FBXO47: variants seen among roughly 807,000 people sequenced by gnomAD.
FBXO47 encodes the protein F-box only protein 47.
In FBXO47, 34 loss-of-function variants were observed where a neutral mutation model predicts 53.9. That is an observed-to-expected ratio of 0.63 (90% CI 0.48 to 0.84). FBXO47 has a LOEUF of 0.84. Ranked by LOEUF, FBXO47 falls within the 40% of genes least tolerant of loss-of-function variation. The probability of loss-of-function intolerance (pLI) is 0.00; values close to 1 mark genes in which losing one functional copy is unlikely to be tolerated. For synonymous variants in FBXO47, 165 were observed against 181.6 expected, an observed-to-expected ratio of 0.91 and a Z score of 0.73; for missense variants, 485 against 541.3, an observed-to-expected ratio of 0.90 and a Z score of 1.03.
intron 3 of FBXO47, among the ~76,000 whole-genome samples, chr17:38,961,532 T>G (rs1905813088): frequency 6.6e-6 from 1 of 152,188 alleles, no homozygotes; most frequent in Admixed American, 6.5e-5. Flanking sequence ...AGATTATGGT[T>G]GAAAGGGAAA....
chr17:38,963,111 A>AT (rs367800614), intron 1 of FBXO47, 60 bp from the exon 2 acceptor site: 11,897 of 948,020 alleles, frequency 0.013, 84 homozygotes, highest in East Asian at 0.097. Context: ...CAAGAAAGAG[A>AT]TTTTTTTTTT....
At chr17:38,963,983 G>C (rs1905963391) in intron 1 of FBXO47, among the ~76,000 whole-genome samples, 1 of 151,338 alleles carries the variant, frequency 6.6e-6, no homozygotes. Flanking sequence ...AAAAAAAATT[G>C]TTTTTGTGGA....
At chr17:38,962,237 G>A (rs1905848943) in intron 2 of FBXO47, among the ~76,000 whole-genome samples, 190 bp from the exon 3 acceptor site, 1 of 152,280 alleles carries the variant, frequency 6.6e-6, no homozygotes, top group African/African-American at 2.4e-5. Flanking sequence ...GACATGTTTG[G>A]ATTTACCAAT....
chr17:38,960,324 T>C (rs975481616), intron 3 of FBXO47, among the ~76,000 whole-genome samples: 1 of 151,318 alleles, frequency 6.6e-6, no homozygotes, highest in Admixed American at 6.6e-5. Flanking sequence ...TATGAGAAAA[T>C]GGTAAGTATA....
At chr17:38,947,039 TAA>T (rs1421019785) in intron 6 of FBXO47, among the ~76,000 whole-genome samples, 44 of 130,744 alleles carry the variant, frequency 3.4e-4, no homozygotes, top group African/African-American at 1.4e-3. Context: ...CAAATATATG[TAA>T]ATATATAAAA....
chr17:38,952,846 G>A (rs1905365186), intron 5 of FBXO47, among the ~76,000 whole-genome samples: 1 of 136,850 alleles, frequency 7.3e-6, no homozygotes, highest in African/African-American at 2.7e-5. Flanking sequence ...TAGAGATGGG[G>A]TTTTGTCATG....
chr17:38,946,273 T>A (rs187085453), intron 6 of FBXO47, among the ~76,000 whole-genome samples: 3 of 88,866 alleles, frequency 3.4e-5, no homozygotes, highest in African/African-American at 5.2e-5. Flanking sequence ...TAAATATATA[T>A]AAAAATATAT....
intron 6 of FBXO47, among the ~76,000 whole-genome samples, chr17:38,948,643 T>C (rs1270315895): frequency 1.3e-5 from 2 of 152,112 alleles, no homozygotes; most frequent in Admixed American, 6.6e-5. Flanking sequence ...CATTCTTTTT[T>C]TTTCCTTCAA....
chr17:38,938,048 A>G (rs1217965332), intron 10 of FBXO47, among the ~76,000 whole-genome samples: 1 of 152,218 alleles, frequency 6.6e-6, no homozygotes, highest in Admixed American at 6.5e-5. Flanking sequence ...ATGGAATTAT[A>G]TAAGAAAAGT....
At position 38,937,178 on chromosome 17, in the gene FBXO47, G is replaced by A; in HGVS notation, c.1356C>T (p.Thr452=). 1 of 1,440,908 alleles carries A rather than the reference G, an allele frequency of 6.9e-7. No homozygotes were observed. Among genetic ancestry groups the A allele is most frequent in the South Asian group, 1.2e-5 (1 of 85,452 alleles). The allele number at this position is 1,440,908 out of a possible 1,614,324, so 89.3% of individuals were successfully genotyped here. A position where few individuals can be genotyped will look rare whatever the true frequency, so the allele number is the denominator to read the frequency against. Residue 452 remains threonine (T), a synonymous_variant, in exon 11 of 11, where the codon ACC becomes ACT. Transcript: ENST00000378079. ...LYLTMNTPLS[T] ...AAAGGCAAGGCTTTCTGAGGATTTA[G>A]GTAGACAGAGGAGTATTCATGGTCA...
chr17:38,957,698 CTTTT>C (rs67243641), intron 3 of FBXO47, among the ~76,000 whole-genome samples: 3 of 132,814 alleles, frequency 2.3e-5, no homozygotes, highest in Non-Finnish European at 3.2e-5. Context: ...ACTGATTTTT[CTTTT>C]TTTTTTTTTT....
At chr17:38,953,630 T>G (rs1164739368) in intron 5 of FBXO47, among the ~76,000 whole-genome samples, 2 of 151,818 alleles carry the variant, frequency 1.3e-5, no homozygotes, top group Non-Finnish European at 2.9e-5. Flanking sequence ...GCCTCAAAAA[T>G]AAATAAATTA....
chr17:38,953,955 C>T (rs190505541), intron 5 of FBXO47, among the ~76,000 whole-genome samples: 10 of 152,270 alleles, frequency 6.6e-5, no homozygotes, highest in Admixed American at 4.6e-4. Context: ...AAGATTCTTA[C>T]GGGTGCAGTG....
chr17:38,947,644 T>C (rs993567942), intron 6 of FBXO47, among the ~76,000 whole-genome samples: 1 of 152,182 alleles, frequency 6.6e-6, no homozygotes, highest in Non-Finnish European at 1.5e-5. Context: ...GCGTGGTGGC[T>C]CATGCCTGTA....
chr17:38,937,825 G>A (rs568729674), intron 10 of FBXO47, among the ~76,000 whole-genome samples: 2 of 152,010 alleles, frequency 1.3e-5, no homozygotes, highest in East Asian at 3.9e-4. Flanking sequence ...CTGCCACCAC[G>A]CCCAGCTAAT....
At chr17:38,948,002 C>T (rs1598142684) in intron 6 of FBXO47, among the ~76,000 whole-genome samples, 1 of 152,052 alleles carries the variant, frequency 6.6e-6, no homozygotes, top group East Asian at 1.9e-4. Flanking sequence ...ACCATTTACC[C>T]ATTTAAAGTG....
intron 5 of FBXO47, among the ~76,000 whole-genome samples, chr17:38,952,014 C>A (rs1001540940): frequency 1.3e-5 from 2 of 151,322 alleles, no homozygotes; most frequent in Admixed American, 6.6e-5. Context: ...GCGACAAGAG[C>A]AAAGCTCTGT....
chr17:38,947,061 AAT>A (rs1391669277), intron 6 of FBXO47, among the ~76,000 whole-genome samples: 13 of 136,604 alleles, frequency 9.5e-5, no homozygotes, highest in East Asian at 2.5e-4. Context: ...AACATATATA[AAT>A]ATATATAAAC....
rs1247698510 is a variant in FBXO47, at chr17:38,963,801, TG to T, written c.-26-751del. ...TTTGTTGTTGTTGTTGTTGTTTTGT[TG>T]TTTTTTTTTTTTTTGTCAAGGTCTT... On this transcript the variant is annotated intron_variant, in intron 1 of 10. Coordinates refer to ENST00000378079, the MANE Select transcript of FBXO47 (RefSeq NM_001008777.3). 1.1e-4 allele frequency among the ~76,000 whole-genome samples: 14 copies of T among 127,800 alleles called. No homozygotes were observed. In the South Asian group the frequency reaches 1.1e-3, roughly 10 times the overall value. The allele number at this position is 127,800 out of a possible 152,430, so 83.8% of individuals were successfully genotyped here. A position where few individuals can be genotyped will look rare whatever the true frequency, so the allele number is the denominator to read the frequency against.
Sources: allele counts gnomAD v4.1 joint callset (sites outside exome capture counted in the v4.1 genomes callset), GRCh38; gene constraint gnomAD v4.1.1; transcripts MANE v1.5; gene names NCBI Gene and HGNC (gene_info 2026-07-23, HGNC 2026-07-21).